The following EGFLAM variants were observed in gnomAD, a reference collection of about 807,000 sequenced individuals.
EGFLAM encodes the protein pikachurin.
EGFLAM carries 79 observed loss-of-function variants against 113.1 expected under a neutral mutation model. The observed-to-expected ratio is 0.70, with a 90% CI of 0.58 to 0.84. EGFLAM has a LOEUF of 0.84. Among genes scored for constraint, EGFLAM ranks in the 40% least tolerant of loss-of-function variants. The probability of loss-of-function intolerance (pLI) is 0.00; values close to 1 mark genes in which losing one functional copy is unlikely to be tolerated. For synonymous variants in EGFLAM, 504 were observed against 487.6 expected, an observed-to-expected ratio of 1.03 and a Z score of -0.44; for missense variants, 1,265 against 1,291.6, an observed-to-expected ratio of 0.98 and a Z score of 0.32.
rs753664379 is a variant in EGFLAM at position 38,407,020 on chromosome 5, A to G, written c.1021A>G (p.Arg341Gly). ...KGKNGVAIMS[R>G]LFDMPCDETL... ...GAAGAATGGTGTGGCCATAATGTCA[A>G]GGCTCTTTGACATGCCTTGTGATGA... Residue 341 changes from arginine to glycine, a missense_variant, in exon 8 of 22, where the codon AGG becomes GGG. Coordinates refer to ENST00000322350, the MANE Select transcript of EGFLAM (RefSeq NM_152403.4). The G allele has an allele frequency of 6.2e-7, 1 of 1,614,192 alleles. No individual in the cohort carries two copies. The highest frequency in any genetic ancestry group is 1.1e-5 in the South Asian group (1 of 91,082).
intron 19 of EGFLAM, among the ~76,000 whole-genome samples, chr5:38,456,347 T>C (rs1743086132): frequency 6.6e-6 from 1 of 152,158 alleles, no homozygotes; most frequent in African/African-American, 2.4e-5. Flanking sequence ...CCGTGCTCTT[T>C]CTATCACCCC....
chr5:38,362,383 T>C (rs767818593), intron 5 of EGFLAM, among the ~76,000 whole-genome samples: 18 of 152,228 alleles, frequency 1.2e-4, no homozygotes, highest in Non-Finnish European at 1.9e-4. Flanking sequence ...CTTGGACATA[T>C]GACTGCAATA....
chr5:38,374,016 C>T (rs374522288), intron 6 of EGFLAM, among the ~76,000 whole-genome samples: 1 of 152,150 alleles, frequency 6.6e-6, no homozygotes, highest in South Asian at 2.1e-4. Context: ...TGTAGAAATA[C>T]CATACTGGCC....
intron 1 of EGFLAM, among the ~76,000 whole-genome samples, chr5:38,330,020 A>C (rs1167750290): frequency 6.6e-6 from 1 of 152,166 alleles, no homozygotes; most frequent in Non-Finnish European, 1.5e-5. Flanking sequence ...TTTCCTACAG[A>C]ATATGAAGGT....
At chr5:38,422,734 T>C (rs1741874293) in intron 12 of EGFLAM, among the ~76,000 whole-genome samples, 1 of 152,134 alleles carries the variant, frequency 6.6e-6, no homozygotes, top group Admixed American at 6.6e-5. Context: ...GTGCAATAAA[T>C]GGAAGGTGAC....
chr5:38,406,045 C>A, intron 6 of EGFLAM, 81 bp from the exon 7 acceptor site: 1 of 1,078,452 alleles, frequency 9.3e-7, no homozygotes, highest in South Asian at 1.3e-5. Flanking sequence ...CGGTACAGCT[C>A]TGCCTGTGGC....
intron 12 of EGFLAM, 150 bp from the exon 13 acceptor site, chr5:38,424,817 C>A: frequency 9.6e-7 from 1 of 1,043,010 alleles, no homozygotes; most frequent in Non-Finnish European, 1.3e-6. Flanking sequence ...ATCCTGAAAG[C>A]CCATTTGCAG....
At position 38,375,665 on chromosome 5, in the gene EGFLAM, G is replaced by A. The variant is rs73075430; in HGVS notation, c.712+5203G>A. 9.0e-3 allele frequency among the ~76,000 whole-genome samples: 1,366 copies of A among 152,110 alleles called. 28 individuals carry two copies. The highest frequency in any genetic ancestry group is 0.032 in the African/African-American group (1,323 of 41,488). On this transcript the variant is annotated intron_variant, in intron 6 of 21. Coordinates refer to ENST00000322350, the MANE Select transcript of EGFLAM (RefSeq NM_152403.4). ...TATTAGCAACTTAATTGCTTAATGG[G>A]GCAATTGGAAGATCTTAGTTGCTCT...
intron 5 of EGFLAM, among the ~76,000 whole-genome samples, chr5:38,364,770 T>C (rs1740017162): frequency 6.6e-6 from 1 of 152,264 alleles, no homozygotes; most frequent in East Asian, 1.9e-4. Flanking sequence ...ATCAGTGTGA[T>C]AGTAGAATCA....
chr5:38,418,401 G>A, intron 12 of EGFLAM, 146 bp downstream of exon 12: 1 of 1,038,744 alleles, frequency 9.6e-7, no homozygotes, highest in Non-Finnish European at 1.4e-6. Context: ...AGGGAGGTGG[G>A]CCTCAGGGGT....
chr5:38,405,819 A>C (rs1741265676), intron 6 of EGFLAM, among the ~76,000 whole-genome samples: 1 of 152,224 alleles, frequency 6.6e-6, no homozygotes, highest in African/African-American at 2.4e-5. Flanking sequence ...TACAAGTACC[A>C]TATGAGTCCT....
At chr5:38,377,687 T>G (rs1740401806) in intron 6 of EGFLAM, among the ~76,000 whole-genome samples, 1 of 151,974 alleles carries the variant, frequency 6.6e-6, no homozygotes, top group Admixed American at 6.6e-5. Context: ...AAAAGTGAAC[T>G]CCCAGAATTG....
At chr5:38,438,563 A>T (rs1458940312) in intron 17 of EGFLAM, 108 bp downstream of exon 17, 2 of 1,087,102 alleles carry the variant, frequency 1.8e-6, no homozygotes, top group African/African-American at 1.6e-5. Flanking sequence ...TGGTACAACC[A>T]TAGTGGTTAT....
At chr5:38,268,111 A>G (rs1252323812) in intron 1 of EGFLAM, among the ~76,000 whole-genome samples, 4 of 152,104 alleles carry the variant, frequency 2.6e-5, no homozygotes, top group Non-Finnish European at 5.9e-5. Context: ...TGATTTTTCC[A>G]TTAGAATATT....
intron 1 of EGFLAM, among the ~76,000 whole-genome samples, chr5:38,296,855 A>T (rs922755333): frequency 6.6e-6 from 1 of 152,022 alleles, no homozygotes; most frequent in African/African-American, 2.4e-5. Context: ...GACACTGTGT[A>T]CCCCTTGATA....
chr5:38,417,531 A>G (rs905815116), intron 11 of EGFLAM, among the ~76,000 whole-genome samples: 1 of 152,098 alleles, frequency 6.6e-6, no homozygotes, highest in African/African-American at 2.4e-5. Context: ...AGCAAATTTC[A>G]AAACACTTTG....
intron 17 of EGFLAM, chr5:38,445,740 C>G: frequency 1.9e-6 from 3 of 1,595,638 alleles, no homozygotes; most frequent in Non-Finnish European, 2.5e-6. Flanking sequence ...TGCGAGAGCG[C>G]TCTGGGCTGG....
intron 20 of EGFLAM, among the ~76,000 whole-genome samples, chr5:38,461,883 T>G (rs1232502648): frequency 6.6e-6 from 1 of 151,404 alleles, no homozygotes; most frequent in Non-Finnish European, 1.5e-5. Flanking sequence ...TCTGAGCCAC[T>G]GGCCGGGTGC....
At chr5:38,445,511 G>T (rs1742677338) in intron 17 of EGFLAM, 1 of 1,521,172 alleles carries the variant, frequency 6.6e-7, no homozygotes, top group East Asian at 2.3e-5. Context: ...GTGGTTCCCC[G>T]CGGGGCTCAT....
Sources: allele counts gnomAD v4.1 joint callset (sites outside exome capture counted in the v4.1 genomes callset), GRCh38; gene constraint gnomAD v4.1.1; transcripts MANE v1.5; gene names NCBI Gene and HGNC (gene_info 2026-07-23, HGNC 2026-07-21).